Variants in TMC3 observed in about 807,000 individuals in gnomAD.
TMC3 encodes transmembrane channel like 3, also known as transmembrane channel-like protein 3.
TMC3 carries 98 observed loss-of-function variants against 110.6 expected under a neutral mutation model. The observed-to-expected ratio is 0.89, with a 90% CI of 0.75 to 1.05. The LOEUF is 1.05. Among genes scored for constraint, TMC3 ranks in the 50% least tolerant of loss-of-function variants. The probability of loss-of-function intolerance (pLI) is 0.00; values close to 1 mark genes in which losing one functional copy is unlikely to be tolerated. For synonymous variants in TMC3, 489 were observed against 513.1 expected (o/e 0.95, Z 0.63); for missense variants, 1,319 against 1,373.2 (o/e 0.96, Z 0.62).
chr15:81,333,098 A>T lies in TMC3; in HGVS notation c.2624T>A (p.Leu875Ter), dbSNP rs538417103. ...GTGGGGCCTGGGACCCTGTGCCAGC[A>T]AAGTCGAGGCCTGTGGTCCACGGTG... ...PPHRGPQAST[L>*]LAQGPRPHAP... is the part of the protein sequence containing the mutation. Residue 875 changes from leucine to a stop codon, truncating the protein, a stop_gained, in exon 22 of 22, where the codon TTG becomes TAG. Coordinates refer to ENST00000359440, the MANE Select transcript of TMC3 (RefSeq NM_001080532.3). LOFTEE classifies it low-confidence loss of function (END_TRUNC). 1.9e-5 allele frequency: 31 copies of T among 1,614,058 alleles called. No individual in the cohort carries two copies. Among genetic ancestry groups the T allele is most frequent in the Non-Finnish European group, 2.5e-5 (30 of 1,179,892 alleles).
At chr15:81,368,829 CCAAA>C (rs990536927) in intron 2 of TMC3, among the ~76,000 whole-genome samples, 176 of 152,224 alleles carry the variant, frequency 1.2e-3, no homozygotes, top group Non-Finnish European at 1.5e-3. Context: ...CTGATTCACC[CCAAA>C]CAAACTTCTA....
Position 81,349,472 on chromosome 15 carries a change from G to A in TMC3, c.1179C>T (p.Arg393=). The A allele has an allele frequency of 6.5e-7, 1 of 1,528,014 alleles. No homozygotes were observed. The highest frequency in any genetic ancestry group is 1.3e-5 in the South Asian group (1 of 77,586). 94.7% of individuals were successfully genotyped at this position (1,528,014 alleles called of 1,614,324 possible). The change falls in exon 11 of 22, where the codon CGC becomes CGT. Residue 393 remains arginine (R), a synonymous_variant. Coordinates refer to ENST00000359440, the MANE Select transcript of TMC3 (RefSeq NM_001080532.3). ...GACTGTTGTACCTTGCAAGCTGGAAGCGCAGCGTGGTCCTGGGGTGGTACA... is the reference window on the plus strand; with the variant it reads ...GACTGTTGTACCTTGCAAGCTGGAAACGCAGCGTGGTCCTGGGGTGGTACA... ...LEMYHPRTTL[R]FQLARVLVLY...
intron 8 of TMC3, among the ~76,000 whole-genome samples, chr15:81,356,003 A>AT (rs1023740293): frequency 2.6e-5 from 4 of 151,932 alleles, no homozygotes; most frequent in Non-Finnish European, 4.4e-5. Context: ...ATCTAAGTAG[A>AT]TTTTTTTTCT....
chr15:81,343,704 C>T (rs899532028), intron 14 of TMC3, among the ~76,000 whole-genome samples: 3 of 151,166 alleles, frequency 2.0e-5, no homozygotes, highest in Middle Eastern at 3.4e-3. Context: ...GCAGGAGGAT[C>T]GCTTGAGCAA....
At chr15:81,351,138 C>T (rs771777712) in intron 10 of TMC3, among the ~76,000 whole-genome samples, 1 of 152,086 alleles carries the variant, frequency 6.6e-6, no homozygotes, top group East Asian at 1.9e-4. Context: ...AGGTAGAGAA[C>T]GGTGTAAATG....
chr15:81,339,399 T>A lies in TMC3; in HGVS notation c.1950A>T (p.Pro650=), dbSNP rs748896997. 3 of 1,608,646 alleles carry A rather than the reference T, an allele frequency of 1.9e-6. No homozygotes were observed. In the East Asian group the frequency reaches 6.7e-5, roughly 36 times the overall value. The change falls in exon 17 of 22, where the codon CCA becomes CCT. Residue 650 remains proline, a synonymous_variant. Coordinates refer to ENST00000359440, the MANE Select transcript of TMC3 (RefSeq NM_001080532.3). ...VRYKPSLNCG[P]FSGQEKIYDI... is the part of the protein sequence containing the mutation. The stretch of plus-strand genomic sequence containing the variant: ...GAGCTGGGAACGAAACTTACCTGAA[T>A]GGCCCACAGTTTAGAGATGGCTTGT...
Position 81,356,695 on chromosome 15 carries a change from C to A in TMC3, c.744-101G>T, listed in dbSNP as rs1036074751. On this transcript the variant is annotated intron_variant, in intron 7 of 21. Transcript: ENST00000359440. Reference sequence around the variant, plus strand: ...GTGTGAATTAGCATAGGCTGCACCCCTCTGGGTGGACGCAGCTCCTCGGGT... The same window carrying A: ...GTGTGAATTAGCATAGGCTGCACCCATCTGGGTGGACGCAGCTCCTCGGGT... 5 of 1,321,608 alleles carry A rather than the reference C, an allele frequency of 3.8e-6. No homozygotes were observed. The African/African-American group carries it at 7.4e-5, about 20-fold the overall frequency. 81.9% of individuals were successfully genotyped at this position (1,321,608 alleles called of 1,614,324 possible). A position where few individuals can be genotyped will look rare whatever the true frequency, so the allele number is the denominator to read the frequency against.
intron 16 of TMC3, among the ~76,000 whole-genome samples, chr15:81,340,477 A>G (rs1458058552): frequency 6.6e-6 from 1 of 152,250 alleles, no homozygotes; most frequent in Non-Finnish European, 1.5e-5. Flanking sequence ...CAAGTAGGTC[A>G]TGAGCAAAAG....
chr15:81,332,552 G>T lies in TMC3; in HGVS notation c.3170C>A (p.Ala1057Asp). The change falls in exon 22 of 22, where the codon GCT becomes GAT. Residue 1057 changes from alanine to aspartate, a missense_variant. Physicochemically the swap from Ala to Asp is moderately radical, Grantham distance 126 (BLOSUM62 -2). Transcript: ENST00000359440. The part of the protein sequence containing the change: ...ASSSDQQNSS[A>D]DQYLQVTHSQ... ...GTGGGTGACCTGCAGGTACTGGTCA[G>T]CGCTGCTGTTCTGCTGGTCACTGCT... 1 of 1,614,006 alleles carries T rather than the reference G, an allele frequency of 6.2e-7. No homozygotes were observed. The highest frequency in any genetic ancestry group is 1.7e-5 in the Admixed American group (1 of 60,030).
intron 16 of TMC3, among the ~76,000 whole-genome samples, chr15:81,340,605 A>G (rs1008626554): frequency 6.6e-6 from 1 of 152,222 alleles, no homozygotes; most frequent in African/African-American, 2.4e-5. Flanking sequence ...CAGTTAAAAG[A>G]ATAAGTGTTG....
intron 11 of TMC3, among the ~76,000 whole-genome samples, chr15:81,348,580 C>T (rs1893874704): frequency 6.6e-6 from 1 of 152,218 alleles, no homozygotes; most frequent in African/African-American, 2.4e-5. Context: ...TCTTCCTCAA[C>T]CACCTGCTGT....
chr15:81,334,102 C>T (rs1191171281), intron 21 of TMC3, among the ~76,000 whole-genome samples: 1 of 152,004 alleles, frequency 6.6e-6, no homozygotes, highest in Non-Finnish European at 1.5e-5. Context: ...TTGTCAAGAC[C>T]CCACAGAGAC....
chr15:81,360,235 G>GA (rs1894157272), intron 4 of TMC3, among the ~76,000 whole-genome samples: 1 of 152,060 alleles, frequency 6.6e-6, no homozygotes. Flanking sequence ...ATCACGATTA[G>GA]AATTAGTTTC....
At chr15:81,349,418 G>T (rs1019327887) in intron 11 of TMC3, 40 bp downstream of exon 11, 28 of 1,340,910 alleles carry the variant, frequency 2.1e-5, no homozygotes, top group Non-Finnish European at 2.7e-5. Flanking sequence ...TGGGCACATG[G>T]GTGAGCCACA....
intron 4 of TMC3, among the ~76,000 whole-genome samples, chr15:81,359,687 G>C (rs756026248): frequency 2.0e-5 from 3 of 152,148 alleles, no homozygotes; most frequent in Non-Finnish European, 4.4e-5. Flanking sequence ...AAAGTCTCTA[G>C]TTTGCCTAAA....
intron 2 of TMC3, among the ~76,000 whole-genome samples, chr15:81,370,995 T>A (rs1010082361): frequency 1.3e-5 from 2 of 152,126 alleles, no homozygotes; most frequent in African/African-American, 4.8e-5. Flanking sequence ...CTTTTTTTTT[T>A]AAAGAGTAAT....
At chr15:81,344,684 G>C in intron 13 of TMC3, 82 bp downstream of exon 13, 1 of 1,363,560 alleles carries the variant, frequency 7.3e-7, no homozygotes, top group Non-Finnish European at 1.0e-6. Context: ...CTATAACATA[G>C]GGGCAGTGAC....
At chr15:81,364,382 A>T (rs958317989) in intron 3 of TMC3, among the ~76,000 whole-genome samples, 3 of 152,110 alleles carry the variant, frequency 2.0e-5, no homozygotes, top group African/African-American at 4.8e-5. Flanking sequence ...TGCTTCTCTG[A>T]TGATTTATAC....
At chr15:81,371,690 G>C (rs144649641) in intron 2 of TMC3, among the ~76,000 whole-genome samples, 2 of 152,244 alleles carry the variant, frequency 1.3e-5, no homozygotes, top group African/African-American at 4.8e-5. Flanking sequence ...GCACTCACAG[G>C]GTTCATCCCA....
Sources: allele counts gnomAD v4.1 joint callset (sites outside exome capture counted in the v4.1 genomes callset), GRCh38; gene constraint gnomAD v4.1.1; transcripts MANE v1.5; gene names NCBI Gene and HGNC (gene_info 2026-07-23, HGNC 2026-07-21).